The following RPL36A variants were observed in gnomAD, a reference collection of about 807,000 sequenced individuals.
The protein encoded by RPL36A is ribosomal protein L36a, also known as large ribosomal subunit protein eL42.
For missense variants in RPL36A, 20 were observed against 81.0 expected (o/e 0.25, Z 2.89); for synonymous variants, 25 against 28.5 (o/e 0.88, Z 0.39).
At chrX:101,392,138 C>T in intron 3 of RPL36A, 1 of 1,077,212 alleles carries the variant, frequency 9.3e-7, no homozygotes. Flanking sequence ...TGTTCCTTAT[C>T]TGTCAATATG....
rs1555984241 is a variant in RPL36A at position 101,395,883 on chromosome X, C to G, written c.*135C>G. The stretch of plus-strand genomic sequence containing the variant: ...CTTGTGGGGAAATTTATGCCTCTTA[C>G]TGGTACTACTTGTTTTGCATTGAAG... On this transcript the variant is annotated 3_prime_UTR_variant, in exon 5 of 5. Transcript: ENST00000553110. 1 of 564,705 alleles carries G rather than the reference C, an allele frequency of 1.8e-6. No individual in the cohort carries two copies. The highest frequency in any genetic ancestry group is 3.8e-5 in the Admixed American group (1 of 26,524). The allele number at this position is 564,705 out of a possible 1,213,427, so 46.5% of individuals were successfully genotyped here.
chrX:101,394,706 TTATA>T (rs781879386), intron 3 of RPL36A, among the ~76,000 whole-genome samples: 2 of 101,273 alleles, frequency 2.0e-5, no homozygotes, highest in African/African-American at 7.2e-5. Flanking sequence ...CATTTTCTCT[TTATA>T]TATATATATT....
At chrX:101,391,257 G>A in intron 1 of RPL36A, 1 of 583,961 alleles carries the variant, frequency 1.7e-6, no homozygotes, top group Non-Finnish European at 2.8e-6. Context: ...CGGGGGTGGA[G>A]TTAATGAGGT....
intron 3 of RPL36A, among the ~76,000 whole-genome samples, chrX:101,394,771 A>G (rs1218895634): frequency 2.2e-5 from 2 of 89,993 alleles, no homozygotes; most frequent in African/African-American, 9.2e-5. Context: ...ATATTTATAT[A>G]TATAATATAT....
At position 101,391,288 on chromosome X, in the gene RPL36A, G is replaced by A. The variant is rs2143597; in HGVS notation, c.4-171G>A. 6,535 of 641,801 alleles carry A rather than the reference G, an allele frequency of 0.01. 304 individuals are homozygous for A. In the African/African-American group the frequency reaches 0.13, roughly 13 times the overall value. 52.9% of individuals were successfully genotyped at this position (641,801 alleles called of 1,213,427 possible). ...GAGGTCTCTTCCCTCTTTGGGGCTC[G>A]ACGGAGGGAGGAAGCTCTGCTTGAA... On this transcript the variant is annotated intron_variant, in intron 1 of 4. Coordinates refer to ENST00000553110, the MANE Select transcript of RPL36A (RefSeq NM_021029.6).
intron 3 of RPL36A, among the ~76,000 whole-genome samples, chrX:101,394,143 A>G (rs1424103476): frequency 9.0e-6 from 1 of 110,794 alleles, no homozygotes; most frequent in Non-Finnish European, 1.9e-5. Flanking sequence ...CAGCCTGTCC[A>G]ACATGATGAA....
chrX:101,391,024 C>T lies in RPL36A; in HGVS notation c.-20C>T, dbSNP rs1555983294. The T allele has an allele frequency of 6.6e-6, 8 of 1,212,215 alleles. No homozygotes were observed. The highest frequency in any genetic ancestry group is 3.0e-5 in the East Asian group (1 of 33,851). ...GCCTCGCGGTTTCTTTCTTTCCGCG[C>T]CGATAGCGCTCACGCAAGCATGGTA... On this transcript the variant is annotated 5_prime_UTR_variant, in exon 1 of 5. Transcript: ENST00000553110.
chrX:101,395,162 C>T (rs913632440), intron 3 of RPL36A, 173 bp from the exon 4 acceptor site: 14 of 333,238 alleles, frequency 4.2e-5, no homozygotes, highest in East Asian at 2.1e-4. Context: ...ATTATTTTCT[C>T]CCTATGGCTT....
chrX:101,394,358 G>A (rs1178578031), intron 3 of RPL36A, among the ~76,000 whole-genome samples: 1 of 109,146 alleles, frequency 9.2e-6, no homozygotes, highest in Non-Finnish European at 1.9e-5. Context: ...AAAAGTTGAG[G>A]ATTAGTGGGG....
Position 101,391,837 on chromosome X carries a change from C to G in RPL36A, c.177+15C>G. ...TCCGGAAAAAGGTGAGTGGTAGTTACTATTTGACGTTTCCCAGTTAATTGC... is the reference window on the plus strand; with the variant it reads ...TCCGGAAAAAGGTGAGTGGTAGTTAGTATTTGACGTTTCCCAGTTAATTGC... On this transcript the variant is annotated intron_variant, in intron 3 of 4. Coordinates refer to ENST00000553110, the MANE Select transcript of RPL36A (RefSeq NM_021029.6). 8.3e-7 allele frequency: 1 copy of G among 1,205,228 alleles called. No individual in the cohort carries two copies. Among genetic ancestry groups the G allele is most frequent in the Non-Finnish European group, 1.1e-6 (1 of 892,933 alleles).
At position 101,395,844 on chromosome X, in the gene RPL36A, T is replaced by C; in HGVS notation, c.*96T>C. ...TTTGGGAGGGAATAAGCTAGAGCCA[T>C]CAATACAATTCCGCTTGTGGGGAAA... On this transcript the variant is annotated 3_prime_UTR_variant, in exon 5 of 5. Coordinates refer to ENST00000553110, the MANE Select transcript of RPL36A (RefSeq NM_021029.6). 3 of 820,368 alleles carry C rather than the reference T, an allele frequency of 3.7e-6. No individual in the cohort carries two copies. The highest frequency in any genetic ancestry group is 5.2e-6 in the Non-Finnish European group (3 of 573,694). The allele number at this position is 820,368 out of a possible 1,213,427, so 67.6% of individuals were successfully genotyped here.
At chrX:101,392,231 G>A (rs2147464048) in intron 3 of RPL36A, 1 of 932,906 alleles carries the variant, frequency 1.1e-6, no homozygotes, top group East Asian at 7.5e-5. Context: ...ACCTGTTCTC[G>A]TGAAGTCTTA....
At chrX:101,391,626 A>G in intron 2 of RPL36A, 62 bp downstream of exon 2, 1 of 1,193,996 alleles carries the variant, frequency 8.4e-7, no homozygotes, top group East Asian at 3.0e-5. Context: ...ATAACATACG[A>G]GTCCGGGTCT....
chrX:101,394,790 A>ATTT (rs1175645490), intron 3 of RPL36A, among the ~76,000 whole-genome samples: 249 of 78,943 alleles, frequency 3.2e-3, no homozygotes, highest in Non-Finnish European at 4.6e-3. Context: ...ATATATATAT[A>ATTT]TTTTTTTTTT....
intron 3 of RPL36A, chrX:101,392,914 AGACCAGCCTGG>A (rs1927868101): frequency 9.1e-6 from 1 of 110,083 alleles, no homozygotes; most frequent in Non-Finnish European, 1.9e-5. Flanking sequence ...CAGGAGTTCG[AGACCAGCCTGG>A]CCAAGATAGT....
At chrX:101,395,492 C>T in intron 4 of RPL36A, 35 bp downstream of exon 4, 1 of 1,196,277 alleles carries the variant, frequency 8.4e-7, no homozygotes, top group Non-Finnish European at 1.1e-6. Flanking sequence ...CAATCTTTTT[C>T]ATAGCTTTAT....
chrX:101,394,697 A>G (rs1927948709), intron 3 of RPL36A, among the ~76,000 whole-genome samples: 1 of 95,596 alleles, frequency 1.0e-5, no homozygotes, highest in African/African-American at 4.0e-5. Context: ...CTATTACCAC[A>G]TTTTCTCTTT....
intron 3 of RPL36A, among the ~76,000 whole-genome samples, chrX:101,394,790 ATTTTT>A (rs1175645490): frequency 1.3e-5 from 1 of 78,949 alleles, no homozygotes; most frequent in African/African-American, 5.5e-5. Context: ...ATATATATAT[ATTTTT>A]TTTTTTTTTT....
chrX:101,394,351 A>T (rs1555983967), intron 3 of RPL36A, among the ~76,000 whole-genome samples: 1 of 109,772 alleles, frequency 9.1e-6, no homozygotes, highest in Non-Finnish European at 1.9e-5. Context: ...CAATAAAAAA[A>T]GTTGAGGATT....
Sources: allele counts gnomAD v4.1 joint callset (sites outside exome capture counted in the v4.1 genomes callset), GRCh38; gene constraint gnomAD v4.1.1; transcripts MANE v1.5; gene names NCBI Gene and HGNC (gene_info 2026-07-23, HGNC 2026-07-21).